The following CDC42EP3 variants were observed in gnomAD, a reference collection of about 807,000 sequenced individuals.
CDC42EP3 encodes CDC42 effector protein (Rho GTPase binding) 3.
In CDC42EP3, 4 loss-of-function variants were observed where a neutral mutation model predicts 15.5. That is an observed-to-expected ratio of 0.26 (90% CI 0.13 to 0.59). The LOEUF (loss-of-function observed/expected upper bound fraction) is 0.59. Ranked by LOEUF, CDC42EP3 falls within the 20% of genes least tolerant of loss-of-function variation. The pLI is 0.89. For missense variants in CDC42EP3, 309 were observed against 311.2 expected (o/e 0.99, Z 0.05); for synonymous variants, 145 against 130.3 (o/e 1.11, Z -0.77).
rs185517910 is a variant in CDC42EP3 at position 37,646,062 on chromosome 2, C to T, written c.526G>A (p.Gly176Ser). 1.4e-5 allele frequency: 23 copies of T among 1,614,034 alleles called. No homozygotes were observed. Among genetic ancestry groups the T allele is most frequent in the African/African-American group, 6.7e-5 (5 of 74,928 alleles). The change falls in exon 2 of 2, where the codon GGT (glycine) becomes AGT (serine). Residue 176 changes from glycine (G) to serine (S), a missense_variant. Gly to Ser is a moderately conservative substitution (Grantham distance 56). Transcript: ENST00000295324. Reference protein sequence around the residue: ...HQGDTSWGSSGSASQSSQGRD... With the variant: ...HQGDTSWGSSSSASQSSQGRD... ...CCTTGGCTGGACTGAGATGCAGAAC[C>T]GCTGGAGCCCCACGAGGTGTCTCCC...
intron 1 of CDC42EP3, among the ~76,000 whole-genome samples, chr2:37,655,308 T>C (rs898003971): frequency 1.3e-5 from 2 of 152,246 alleles, no homozygotes; most frequent in African/African-American, 4.8e-5. Flanking sequence ...CTTGAATTTA[T>C]TGTTCTTTTA....
At chr2:37,665,998 A>G (rs898494785) in intron 1 of CDC42EP3, among the ~76,000 whole-genome samples, 1 of 152,044 alleles carries the variant, frequency 6.6e-6, no homozygotes, top group African/African-American at 2.4e-5. Flanking sequence ...TATTTTTTTA[A>G]TCTCTATTTC....
upstream of CDC42EP3, among the ~76,000 whole-genome samples, chr2:37,672,899 G>A (rs1230502684): frequency 6.6e-6 from 1 of 152,202 alleles, no homozygotes; most frequent in Admixed American, 6.5e-5. Context: ...AAACCTTAGA[G>A]GGTGCGCCTT....
At chr2:37,652,364 A>G (rs1489719067) in intron 1 of CDC42EP3, among the ~76,000 whole-genome samples, 8 of 152,010 alleles carry the variant, frequency 5.3e-5, no homozygotes, top group Admixed American at 3.9e-4. Flanking sequence ...AGGAGGAGCT[A>G]AACAGGAAAG....
chr2:37,649,432 C>A (rs1665592188), intron 1 of CDC42EP3, among the ~76,000 whole-genome samples: 1 of 109,204 alleles, frequency 9.2e-6, no homozygotes, highest in Admixed American at 1.4e-4. Flanking sequence ...TACAGCCTAG[C>A]AAGGCCTTGT....
chr2:37,662,575 C>T (rs1666096074), intron 1 of CDC42EP3, among the ~76,000 whole-genome samples: 1 of 152,132 alleles, frequency 6.6e-6, no homozygotes, highest in Non-Finnish European at 1.5e-5. Flanking sequence ...GAAAGAAGTC[C>T]CTGCTTTACT....
At chr2:37,650,410 T>C (rs1435232653) in intron 1 of CDC42EP3, among the ~76,000 whole-genome samples, 1 of 152,216 alleles carries the variant, frequency 6.6e-6, no homozygotes, top group East Asian at 1.9e-4. Context: ...TAGCAAGAAG[T>C]GGCTGCTCCT....
chr2:37,651,708 G>A (rs1021714839), intron 1 of CDC42EP3, among the ~76,000 whole-genome samples: 21 of 152,214 alleles, frequency 1.4e-4, no homozygotes, highest in African/African-American at 5.1e-4. Context: ...GGATGCAGGA[G>A]GAGCTGCTGG....
At chr2:37,670,396 G>A (rs1178137384) in intron 1 of CDC42EP3, among the ~76,000 whole-genome samples, 1 of 151,328 alleles carries the variant, frequency 6.6e-6, no homozygotes, top group East Asian at 1.9e-4. Context: ...TCAGCACACA[G>A]CAGCAGCCCA....
At chr2:37,668,867 T>C (rs1666321174) in intron 1 of CDC42EP3, among the ~76,000 whole-genome samples, 2 of 152,140 alleles carry the variant, frequency 1.3e-5, no homozygotes, top group African/African-American at 4.8e-5. Context: ...TAATGAACAA[T>C]GCAATATATT....
In CDC42EP3 at chr2:37,645,966, G is replaced by A; in HGVS notation, c.622C>T (p.Pro208Ser). Residue 208 changes from proline to serine, a missense_variant, in exon 2 of 2, where the codon CCC becomes TCC. Physicochemically the swap from Pro to Ser is moderately conservative, Grantham distance 74 (BLOSUM62 -1). Coordinates refer to ENST00000295324, the MANE Select transcript of CDC42EP3 (RefSeq NM_006449.5). Reference protein sequence around the residue: ...DWPAEDMFDHPTPCELIKGKT... With the variant: ...DWPAEDMFDHSTPCELIKGKT... ...CCCTTGATGAGCTCGCATGGGGTGG[G>A]ATGGTCAAACATGTCCTCGGCTGGC... is the stretch of plus-strand genomic sequence containing the variant. 1 of 1,614,070 alleles carries A rather than the reference G, an allele frequency of 6.2e-7. No homozygotes were observed. The highest frequency in any genetic ancestry group is 8.5e-7 in the Non-Finnish European group (1 of 1,179,970).
intron 1 of CDC42EP3, among the ~76,000 whole-genome samples, chr2:37,656,784 C>T (rs1178803181): frequency 6.6e-6 from 1 of 152,026 alleles, no homozygotes; most frequent in African/African-American, 2.4e-5. Context: ...ACACCAAGAG[C>T]GCAACACGGA....
chr2:37,651,770 G>A (rs762193928), intron 1 of CDC42EP3, among the ~76,000 whole-genome samples: 2 of 152,180 alleles, frequency 1.3e-5, no homozygotes, highest in African/African-American at 4.8e-5. Context: ...GCCTGGGCCC[G>A]TGAGGACAGC....
At position 37,644,898 on chromosome 2, in the gene CDC42EP3, G is replaced by A. The variant is rs1665393551; in HGVS notation, c.*925C>T. ...TACCTATGTAATGCAAGTATGTACT[G>A]TACTAAAATACCTATATTTCCAAAT... is the stretch of plus-strand genomic sequence containing the variant. On this transcript the variant is annotated 3_prime_UTR_variant, in exon 2 of 2. Coordinates refer to ENST00000295324, the MANE Select transcript of CDC42EP3 (RefSeq NM_006449.5). 1 of 148,330 alleles carries A rather than the reference G, an allele frequency of 6.7e-6. No individual in the cohort carries two copies. Among genetic ancestry groups the A allele is most frequent in the Non-Finnish European group, 1.5e-5 (1 of 67,616 alleles). 9.2% of individuals were successfully genotyped at this position (148,330 alleles called of 1,614,324 possible).
chr2:37,649,043 G>A (rs1320041077), intron 1 of CDC42EP3, among the ~76,000 whole-genome samples: 4 of 151,096 alleles, frequency 2.6e-5, no homozygotes, highest in Non-Finnish European at 5.9e-5. Flanking sequence ...GGTTATGCAA[G>A]GCCAGGTCCC....
At chr2:37,654,691 T>A (rs534449155) in intron 1 of CDC42EP3, among the ~76,000 whole-genome samples, 2 of 152,314 alleles carry the variant, frequency 1.3e-5, no homozygotes, top group South Asian at 4.1e-4. Flanking sequence ...TCACTGCCAA[T>A]TTCCTTGTAG....
At position 37,646,256 on chromosome 2, in the gene CDC42EP3, G is replaced by A. The variant is rs761960477; in HGVS notation, c.332C>T (p.Thr111Ile). The change falls in exon 2 of 2, where the codon ACC becomes ATC. Residue 111 changes from threonine (T) to isoleucine (I), a missense_variant. Coordinates refer to ENST00000295324, the MANE Select transcript of CDC42EP3 (RefSeq NM_006449.5). ...CATGAGAGCTTGGGATCCTCCAATG[G>A]TCGGGAGGGAGATGGCATTTTTGAG... ...PVLKNAISLP[T>I]IGGSQALMLP... 1 of 1,614,188 alleles carries A rather than the reference G, an allele frequency of 6.2e-7. No individual in the cohort carries two copies. The highest frequency in any genetic ancestry group is 8.5e-7 in the Non-Finnish European group (1 of 1,180,016).
chr2:37,662,268 A>C (rs1470373774), intron 1 of CDC42EP3, among the ~76,000 whole-genome samples: 2 of 152,134 alleles, frequency 1.3e-5, no homozygotes, highest in African/African-American at 4.8e-5. Context: ...GCAAATGGCA[A>C]AGGTGGGAGT....
intron 1 of CDC42EP3, among the ~76,000 whole-genome samples, chr2:37,663,902 C>T (rs962982890): frequency 1.4e-4 from 22 of 151,984 alleles, no homozygotes; most frequent in African/African-American, 3.4e-4. Context: ...AGGCCGGGCG[C>T]GGTGGCTCAT....
Sources: allele counts gnomAD v4.1 joint callset (sites outside exome capture counted in the v4.1 genomes callset), GRCh38; gene constraint gnomAD v4.1.1; transcripts MANE v1.5; gene names NCBI Gene and HGNC (gene_info 2026-07-23, HGNC 2026-07-21).